The following TTC7A variants were observed in gnomAD, a reference collection of about 807,000 sequenced individuals.
TTC7A encodes tetratricopeptide repeat protein 7A.
In TTC7A, 110 loss-of-function variants were observed where a neutral mutation model predicts 103.7. The ratio of observed to expected loss-of-function variants is 1.06; its 90% CI spans 0.91 to 1.24. TTC7A has a LOEUF of 1.24. Ranked by LOEUF, TTC7A falls within the 50% of genes most tolerant of loss-of-function variation. The probability of loss-of-function intolerance (pLI) is 0.00; values close to 1 mark genes in which losing one functional copy is unlikely to be tolerated. For missense variants in TTC7A, 1,340 were observed against 1,116.3 expected (o/e 1.20, Z -2.86); for synonymous variants, 521 against 467.9 (o/e 1.11, Z -1.47).
At chr2:47,001,859 C>CAAA (rs397871545) in intron 8 of TTC7A, among the ~76,000 whole-genome samples, 1 of 90,470 alleles carries the variant, frequency 1.1e-5, no homozygotes, top group Non-Finnish European at 2.5e-5. Flanking sequence ...GACTCTGTCT[C>CAAA]AAAAAAAAAA....
rs1438589828 is a variant in TTC7A at position 47,007,732 on chromosome 2, G to C, written c.1287+1008G>C. On this transcript the variant is annotated intron_variant, in intron 10 of 19. Coordinates refer to ENST00000319190, the MANE Select transcript of TTC7A (RefSeq NM_020458.4). This position sits in a 1 kb window ranked among gnomAD's most constrained non-coding sequence, Gnocchi z 4.9. The stretch of plus-strand genomic sequence containing the variant: ...TGCTGCAGCCTGAGTGCGGGGAGAG[G>C]CTTGCTGGGGAGCCTTCCCTACCCC... 6.6e-6 allele frequency among the ~76,000 whole-genome samples: 1 copy of C among 152,172 alleles called. No homozygotes were observed. Among genetic ancestry groups the C allele is most frequent in the African/African-American group, 2.4e-5 (1 of 41,452 alleles).
At chr2:46,918,429 C>T (rs888286315) in intron 2 of TTC7A, among the ~76,000 whole-genome samples, 31 of 152,148 alleles carry the variant, frequency 2.0e-4, no homozygotes, top group African/African-American at 6.5e-4. Context: ...CCTAACTGAC[C>T]GTCCTGCTTC....
intron 3 of TTC7A, among the ~76,000 whole-genome samples, chr2:46,966,591 C>T (rs199852888): frequency 1.4e-5 from 2 of 145,412 alleles, no homozygotes; most frequent in South Asian, 4.3e-4. Flanking sequence ...TATGCTAAAT[C>T]TTTTTTTTTT....
At chr2:47,044,809 A>C (rs1558621223) in intron 15 of TTC7A, among the ~76,000 whole-genome samples, 1 of 152,198 alleles carries the variant, frequency 6.6e-6, no homozygotes, top group East Asian at 1.9e-4. Context: ...TTCTCTACCA[A>C]GTTGCAATCT....
intron 2 of TTC7A, among the ~76,000 whole-genome samples, chr2:46,921,435 G>A (rs924220734): frequency 3.2e-4 from 48 of 152,192 alleles, no homozygotes; most frequent in African/African-American, 1.1e-3. Context: ...TCAGGGGCAA[G>A]TCTAATTCAG....
chr2:46,987,998 G>T (rs769502500), intron 5 of TTC7A, among the ~76,000 whole-genome samples: 1 of 152,172 alleles, frequency 6.6e-6, no homozygotes, highest in Non-Finnish European at 1.5e-5. Context: ...AGGGCTAGGG[G>T]AGGACAGGAG....
At position 47,048,920 on chromosome 2, in the gene TTC7A, C is replaced by A. The variant is rs555809011; in HGVS notation, c.1920-1029C>A. ...GCCTGGCCTGTCTCTGGCTTTTTTGCACCACACTTTGTGCCTCCTGGGAAT... is the reference window on the plus strand; with the variant it reads ...GCCTGGCCTGTCTCTGGCTTTTTTGAACCACACTTTGTGCCTCCTGGGAAT... On this transcript the variant is annotated intron_variant, in intron 16 of 19. Transcript: ENST00000319190. 4.0e-4 allele frequency among the ~76,000 whole-genome samples: 61 copies of A among 152,226 alleles called. 1 individual carries two copies. In the South Asian group the frequency reaches 0.012, roughly 31 times the overall value.
At chr2:47,006,582 C>A in intron 9 of TTC7A, 59 bp from the exon 10 acceptor site, 1 of 1,453,080 alleles carries the variant, frequency 6.9e-7, no homozygotes, top group Non-Finnish European at 9.7e-7. Context: ...TGGAAGGGTG[C>A]GGATGGCTGG....
chr2:46,978,877 A>G lies in TTC7A; in HGVS notation c.734A>G (p.Gln245Arg). 1.2e-6 allele frequency: 2 copies of G among 1,614,116 alleles called. No homozygotes were observed. The highest frequency in any genetic ancestry group is 1.7e-6 in the Non-Finnish European group (2 of 1,179,976). The change falls in exon 5 of 20, where the codon CAG becomes CGG. Residue 245 changes from glutamine to arginine, a missense_variant. Coordinates refer to ENST00000319190, the MANE Select transcript of TTC7A (RefSeq NM_020458.4). ...ACCTACTTCCTGGAAGCTGCCCTCC[A>G]GAGCGCCTATGTGAAAAACCTGAAG... Reference protein sequence around the residue: ...ELTYFLEAALQSAYVKNLKKG... With the variant: ...ELTYFLEAALRSAYVKNLKKG...
At chr2:47,022,991 T>A (rs535938590) in intron 12 of TTC7A, among the ~76,000 whole-genome samples, 28 of 152,336 alleles carry the variant, frequency 1.8e-4, no homozygotes, top group African/African-American at 6.0e-4. Flanking sequence ...ACACCTGCCC[T>A]GCTGCATTTT....
At chr2:46,919,709 CAG>C (rs966946389) in intron 2 of TTC7A, among the ~76,000 whole-genome samples, 4 of 152,190 alleles carry the variant, frequency 2.6e-5, no homozygotes, top group African/African-American at 4.8e-5. Context: ...TTCCTTCTAA[CAG>C]GGAGTAGGAT....
intron 15 of TTC7A, among the ~76,000 whole-genome samples, chr2:47,042,942 A>G (rs1053155941): frequency 6.6e-6 from 1 of 152,214 alleles, no homozygotes; most frequent in Non-Finnish European, 1.5e-5. Context: ...CCCGACTGCC[A>G]GCAGCCTCCC....
intron 10 of TTC7A, among the ~76,000 whole-genome samples, chr2:47,009,576 G>A (rs2104473561): frequency 6.6e-6 from 1 of 152,232 alleles, no homozygotes; most frequent in Admixed American, 6.5e-5. Context: ...AGGGAGGCGG[G>A]GTGTCCAGGG....
chr2:46,952,066 G>A (rs920731496), intron 2 of TTC7A, among the ~76,000 whole-genome samples: 6 of 152,154 alleles, frequency 3.9e-5, no homozygotes, highest in Non-Finnish European at 7.4e-5. Context: ...GCTAGTAAGG[G>A]CAGACTGGAA....
chr2:46,921,744 T>C (rs924104295), intron 2 of TTC7A, among the ~76,000 whole-genome samples: 1 of 152,226 alleles, frequency 6.6e-6, no homozygotes, highest in Admixed American at 6.5e-5. Context: ...AAAATGAAAC[T>C]GTTCTACCTC....
Position 46,950,403 on chromosome 2 carries a change from G to T in TTC7A, c.225G>T (p.Glu75Asp). Residue 75 changes from glutamate to aspartate, a missense_variant, in exon 2 of 20, where the codon GAG becomes GAT. Transcript: ENST00000319190. ...TGCTGCTGGCTGAGGCCCTCCTGGA[G>T]CAGTGTTTGAAGGAGAACCATGCCA... ...GKLLLAEALL[E>D]QCLKENHAKI... 6.2e-7 allele frequency: 1 copy of T among 1,614,178 alleles called. No individual in the cohort carries two copies. The highest frequency in any genetic ancestry group is 8.5e-7 in the Non-Finnish European group (1 of 1,180,034).
chr2:46,955,676 G>T (rs1400194472), intron 2 of TTC7A, among the ~76,000 whole-genome samples: 1 of 152,218 alleles, frequency 6.6e-6, no homozygotes, highest in Non-Finnish European at 1.5e-5. Context: ...GAGCCTGTCT[G>T]TGCCACGCTT....
At chr2:46,928,237 G>T (rs867590957) in intron 2 of TTC7A, among the ~76,000 whole-genome samples, 3 of 151,726 alleles carry the variant, frequency 2.0e-5, no homozygotes, top group Non-Finnish European at 4.4e-5. Context: ...TACCAGTTTT[G>T]CAGCTTAAAA....
At chr2:47,013,976 C>G (rs376572767) in intron 11 of TTC7A, among the ~76,000 whole-genome samples, 1 of 152,138 alleles carries the variant, frequency 6.6e-6, no homozygotes, top group Non-Finnish European at 1.5e-5. Flanking sequence ...GAAGCTTCAC[C>G]CCCTGCACCT....
Sources: allele counts gnomAD v4.1 joint callset (sites outside exome capture counted in the v4.1 genomes callset), GRCh38; gene constraint gnomAD v4.1.1; non-coding constraint Gnocchi (gnomAD v3.1); transcripts MANE v1.5; gene names NCBI Gene and HGNC (gene_info 2026-07-23, HGNC 2026-07-21).